TTC13: variants seen among roughly 807,000 people sequenced by gnomAD.
TTC13 encodes the protein tetratricopeptide repeat protein 13.
A neutral mutation model predicts 120.0 loss-of-function variants in TTC13; 62 were observed. The observed-to-expected ratio is 0.52, with a 90% confidence interval of 0.42 to 0.64. The LOEUF (loss-of-function observed/expected upper bound fraction) is 0.64. Among genes scored for constraint, TTC13 ranks in the 30% least tolerant of loss-of-function variants. The probability of loss-of-function intolerance (pLI) is 0.00; values close to 1 mark genes in which losing one functional copy is unlikely to be tolerated. For synonymous variants in TTC13, 384 were observed against 393.5 expected, an observed-to-expected ratio of 0.98 and a Z score of 0.28; for missense variants, 824 against 1,050.2, an observed-to-expected ratio of 0.78 and a Z score of 2.98.
intron 12 of TTC13, among the ~76,000 whole-genome samples, chr1:230,926,286 A>G (rs1283003931): frequency 6.6e-6 from 1 of 152,036 alleles, no homozygotes; most frequent in Non-Finnish European, 1.5e-5. Context: ...ACATTGGGAG[A>G]AGTCTGGAGG....
chr1:230,918,303 A>G (rs772152030), intron 17 of TTC13, among the ~76,000 whole-genome samples: 1 of 152,216 alleles, frequency 6.6e-6, no homozygotes. Context: ...CACATCGCCA[A>G]TGACAATGTA....
chr1:230,914,541 C>T (rs565511921), intron 18 of TTC13, among the ~76,000 whole-genome samples: 39 of 152,028 alleles, frequency 2.6e-4, no homozygotes, highest in African/African-American at 8.4e-4. Flanking sequence ...ATTACAGGTG[C>T]GCGCCACCAG....
chr1:230,910,107 G>A (rs180991064), intron 20 of TTC13, among the ~76,000 whole-genome samples: 2 of 152,290 alleles, frequency 1.3e-5, no homozygotes, highest in East Asian at 1.9e-4. Context: ...AGGATGGCAC[G>A]AGCACCTGAG....
chr1:230,961,132 A>G, intron 2 of TTC13, 77 bp downstream of exon 2: 1 of 1,110,316 alleles, frequency 9.0e-7, no homozygotes, highest in South Asian at 1.4e-5. Flanking sequence ...TAGTTGACAG[A>G]GGCGACTTCC....
chr1:230,930,273 A>G (rs1207904033), intron 11 of TTC13, among the ~76,000 whole-genome samples: 2 of 152,334 alleles, frequency 1.3e-5, no homozygotes, highest in East Asian at 3.9e-4. Context: ...TTATATATTG[A>G]ATGGATATTT....
At chr1:230,928,314 T>C (rs1424990440) in intron 12 of TTC13, among the ~76,000 whole-genome samples, 1 of 152,246 alleles carries the variant, frequency 6.6e-6, no homozygotes, top group East Asian at 1.9e-4. Flanking sequence ...AATTAAGTTT[T>C]GTGATCTCCA....
intron 16 of TTC13, 128 bp from the exon 17 acceptor site, chr1:230,920,722 C>A (rs1672505182): frequency 7.7e-6 from 4 of 522,798 alleles, no homozygotes; most frequent in Admixed American, 7.8e-5. Flanking sequence ...AAATGGTAGG[C>A]CACAAATAAA....
intron 18 of TTC13, among the ~76,000 whole-genome samples, chr1:230,915,611 C>T (rs1671939090): frequency 6.6e-6 from 1 of 152,088 alleles, no homozygotes. Context: ...AAGAATATGA[C>T]TGGGGAAATG....
At chr1:230,967,797 A>G (rs549299043) in intron 1 of TTC13, among the ~76,000 whole-genome samples, 2 of 152,348 alleles carry the variant, frequency 1.3e-5, no homozygotes, top group South Asian at 2.1e-4. Context: ...ACTACTTAAT[A>G]TAATAAATAA....
chr1:230,974,254 T>C (rs1678041457), intron 1 of TTC13, among the ~76,000 whole-genome samples: 1 of 152,100 alleles, frequency 6.6e-6, no homozygotes. Context: ...CCAGAAGCCA[T>C]CCCGGGGCAC....
rs767885649 is a variant in TTC13 at position 230,907,021 on chromosome 1, T to C, written c.2469-2A>G. 4.8e-6 allele frequency: 7 copies of C among 1,462,782 alleles called. No homozygotes were observed. In the Admixed American group the frequency reaches 1.3e-4, roughly 27 times the overall value. The allele number at this position is 1,462,782 out of a possible 1,614,324, so 90.6% of individuals were successfully genotyped here. A position where few individuals can be genotyped will look rare whatever the true frequency, so the allele number is the denominator to read the frequency against. On this transcript the variant is annotated splice_acceptor_variant, in intron 22 of 22. Coordinates refer to ENST00000366661, the MANE Select transcript of TTC13 (RefSeq NM_024525.5). LOFTEE classifies it high-confidence loss of function. ...AGAGTCTTATAAGAAGGTGAAATAC[T>C]GAAAAAGAAAAACACAAAGTAGCGG...
chr1:230,913,996 G>A (rs147402323), intron 18 of TTC13, among the ~76,000 whole-genome samples: 1 of 152,306 alleles, frequency 6.6e-6, no homozygotes, highest in African/African-American at 2.4e-5. Flanking sequence ...GATTTGTGGA[G>A]CTAGGGGAAC....
intron 8 of TTC13, among the ~76,000 whole-genome samples, chr1:230,935,875 G>A (rs1043002527): frequency 6.6e-5 from 10 of 152,194 alleles, no homozygotes; most frequent in Non-Finnish European, 1.3e-4. Context: ...GAGAAAAGAA[G>A]GGTCAACCTC....
intron 20 of TTC13, 81 bp from the exon 21 acceptor site, chr1:230,909,101 C>A (rs1572165407): frequency 3.5e-6 from 4 of 1,145,412 alleles, no homozygotes; most frequent in East Asian, 4.9e-5. Flanking sequence ...GACTTCCCAT[C>A]ATGAAAGATA....
Position 230,978,824 on chromosome 1 carries a change from G to C in TTC13, c.7C>G (p.Pro3Ala). The change falls in exon 1 of 23, where the codon CCT becomes GCT. Residue 3 changes from proline to alanine, a missense_variant. Coordinates refer to ENST00000366661, the MANE Select transcript of TTC13 (RefSeq NM_024525.5). The surrounding 1 kb of genome is among the most constrained non-coding windows in gnomAD (Gnocchi z 5.6). MA[P>A]AGCCCCCCFW... ...CAGCAGCAGCAGCAGCAGCCGGCAG[G>C]TGCCATCTTCCCTCAAGGCGCATGC... is the stretch of plus-strand genomic sequence containing the variant. 1.1e-5 allele frequency: 16 copies of C among 1,479,324 alleles called. No homozygotes were observed. Among genetic ancestry groups the C allele is most frequent in the Non-Finnish European group, 1.4e-5 (16 of 1,125,558 alleles). The allele number at this position is 1,479,324 out of a possible 1,614,324, so 91.6% of individuals were successfully genotyped here.
At chr1:230,931,263 T>A in intron 11 of TTC13, 35 bp downstream of exon 11, 1 of 1,602,880 alleles carries the variant, frequency 6.2e-7, no homozygotes, top group East Asian at 2.2e-5. Context: ...GCTTTGAGCA[T>A]GAAAATCCAA....
intron 17 of TTC13, among the ~76,000 whole-genome samples, chr1:230,920,111 C>T (rs1672439835): frequency 1.3e-5 from 2 of 152,176 alleles, no homozygotes; most frequent in Non-Finnish European, 2.9e-5. Flanking sequence ...CATTACCGTG[C>T]AGTGGTCTAA....
Position 230,906,874 on chromosome 1 carries a change from G to A in TTC13, c.*31C>T. Reference sequence around the variant, plus strand: ...AATAACTTAAGAAGCAAGAGGTCCGGCCCTTTACTTGTATAAATACAGCAG... The same window carrying A: ...AATAACTTAAGAAGCAAGAGGTCCGACCCTTTACTTGTATAAATACAGCAG... On this transcript the variant is annotated 3_prime_UTR_variant, in exon 23 of 23. Coordinates refer to ENST00000366661, the MANE Select transcript of TTC13 (RefSeq NM_024525.5). The A allele has an allele frequency of 8.9e-7, 1 of 1,118,722 alleles. No individual in the cohort carries two copies. Among genetic ancestry groups the A allele is most frequent in the South Asian group, 2.0e-5 (1 of 51,166 alleles). The allele number at this position is 1,118,722 out of a possible 1,614,324, so 69.3% of individuals were successfully genotyped here. A position where few individuals can be genotyped will look rare whatever the true frequency, so the allele number is the denominator to read the frequency against.
Position 230,961,831 on chromosome 1 carries a change from G to A in TTC13, c.272-528C>T, listed in dbSNP as rs563841673. Among the ~76,000 whole-genome samples the A allele has an allele frequency of 3.3e-5, 5 of 152,160 alleles. No individual in the cohort carries two copies. In the East Asian group the frequency reaches 7.7e-4, roughly 24 times the overall value. The stretch of plus-strand genomic sequence containing the variant: ...ATATTGTTGTTGAGATCCTTCAGTC[G>A]AACAATCTATGGGGCAGCATTTACC... On this transcript the variant is annotated intron_variant, in intron 1 of 22. Coordinates refer to ENST00000366661, the MANE Select transcript of TTC13 (RefSeq NM_024525.5).
Sources: gnomAD v4.1 joint callset for allele counts (sites outside exome capture counted in the v4.1 genomes callset) on GRCh38, gnomAD v4.1.1 for gene constraint, Gnocchi (gnomAD v3.1) non-coding constraint, MANE v1.5 for transcripts, NCBI Gene and HGNC (gene_info 2026-07-23, HGNC 2026-07-21) for gene names.